The following POM121L2 variants were observed in gnomAD, a reference collection of about 807,000 sequenced individuals.
The protein encoded by POM121L2 is POM121-like protein 2.
For missense variants in POM121L2, 1,167 were observed against 1,260.3 expected (o/e 0.93, Z 1.12); for synonymous variants, 459 against 483.8 (o/e 0.95, Z 0.67).
chr6:27,309,517 G>T lies in POM121L2; in HGVS notation c.2654C>A (p.Ala885Asp). The T allele has an allele frequency of 1.3e-6, 2 of 1,552,066 alleles. No individual in the cohort carries two copies. The highest frequency in any genetic ancestry group is 1.7e-6 in the Non-Finnish European group (2 of 1,147,084). ...TCCCCCAAAAGTGAAAGGTTGTGGAGCTCTGCTGCCAAACACTGAGCCAAA... is the reference window on the plus strand; with the variant it reads ...TCCCCCAAAAGTGAAAGGTTGTGGATCTCTGCTGCCAAACACTGAGCCAAA... ...GAFGSVFGSRAPQPFTFGGFV... is the reference protein window; with the variant it reads ...GAFGSVFGSRDPQPFTFGGFV... Residue 885 changes from alanine to aspartate, a missense_variant, in exon 1 of 1, where the codon GCT (alanine) becomes GAT (aspartate). Transcript: ENST00000444565.
At position 27,310,338 on chromosome 6, in the gene POM121L2, A is replaced by G. The variant is rs1760727364; in HGVS notation, c.1833T>C (p.His611=). The G allele has an allele frequency of 1.2e-5, 18 of 1,552,244 alleles. No homozygotes were observed. Among genetic ancestry groups the G allele is most frequent in the Non-Finnish European group, 1.5e-5 (17 of 1,147,112 alleles). The change falls in exon 1 of 1, where the codon CAT becomes CAC. Residue 611 remains histidine, a synonymous_variant. Transcript: ENST00000444565. Reference sequence around the variant, plus strand: ...TGGCCTTGACCAGGCCATGGAAATGATGGGTAGAAGCATGAGTAAATGGAG... The same window carrying G: ...TGGCCTTGACCAGGCCATGGAAATGGTGGGTAGAAGCATGAGTAAATGGAG... ...TPPPFTHAST[H]HFHGLVKATS...
rs1380955432 is a variant in POM121L2, at chr6:27,310,041, T to C, written c.2130A>G (p.Val710=). 1 of 1,552,218 alleles carries C rather than the reference T, an allele frequency of 6.4e-7. No homozygotes were observed. The highest frequency in any genetic ancestry group is 2.0e-5 in the Admixed American group (1 of 51,006). Residue 710 remains valine (V), a synonymous_variant, in exon 1 of 1, where the codon GTA becomes GTG. Transcript: ENST00000444565. ...TMFTQVLSSV[V]QISPRSSTAN... is the part of the protein sequence containing the mutation. ...CAGTGCTGCTTCTAGGGGATATCTG[T>C]ACAACACTGGAAAGGACCTGGGTAA...
At chr6:27,310,081 TGCACA>T (rs1430434901) in intron 1 of POM121L2, 11 of 1,552,080 alleles carry the variant, frequency 7.1e-6, no homozygotes, top group Non-Finnish European at 9.6e-6. Flanking sequence ...GGTGACTGTA[TGCACA>T]GTAGGAATTG....
chr6:27,312,253 C>A lies in POM121L2; in HGVS notation c.-83G>T. 1 of 861,378 alleles carries A rather than the reference C, an allele frequency of 1.2e-6. No individual in the cohort carries two copies. Among genetic ancestry groups the A allele is most frequent in the South Asian group, 2.2e-5 (1 of 45,956 alleles). The allele number at this position is 861,378 out of a possible 1,614,324, so 53.4% of individuals were successfully genotyped here. On this transcript the variant is annotated 5_prime_UTR_variant, in exon 1 of 1. Transcript: ENST00000444565. This position sits in a 1 kb window ranked among gnomAD's most constrained non-coding sequence, Gnocchi z 6.7. The stretch of plus-strand genomic sequence containing the variant: ...GGACGTCTGCAGAATCGGACAGAGT[C>A]GAAGAGCGCAGTGTTCGGTTGACGG...
Position 27,310,656 on chromosome 6 carries a change from T to C in POM121L2, c.1515A>G (p.Gln505=). Residue 505 remains glutamine, a synonymous_variant, in exon 1 of 1, where the codon CAA becomes CAG. Coordinates refer to ENST00000444565, the MANE Select transcript of POM121L2 (RefSeq NM_033482.4). ...TACTCACCATTCCAAGCAAAGTACT[T>C]TGGATGGTGGGTGGTGCAGGTGGGT... The part of the protein sequence containing the change: ...PPDPPAPPTI[Q]STLLGMVSSP... 1 of 1,551,532 alleles carries C rather than the reference T, an allele frequency of 6.4e-7. No homozygotes were observed. The highest frequency in any genetic ancestry group is 8.7e-7 in the Non-Finnish European group (1 of 1,146,978).
At position 27,309,743 on chromosome 6, in the gene POM121L2, T is replaced by C. The variant is rs1760718256; in HGVS notation, c.2428A>G (p.Thr810Ala). 6.4e-6 allele frequency: 10 copies of C among 1,551,566 alleles called. No individual in the cohort carries two copies. Among genetic ancestry groups the C allele is most frequent in the Non-Finnish European group, 8.7e-6 (10 of 1,146,948 alleles). ...LFGSSAVALP[T>A]PMPTPAQPAF... is the part of the protein sequence containing the mutation. ...GGCTGAGCTGGAGTTGGCATGGGGG[T>C]TGGCAATGCCACTGCTGAGCTCCCA... is the stretch of plus-strand genomic sequence containing the variant. Residue 810 changes from threonine to alanine, a missense_variant, in exon 1 of 1, where the codon ACC becomes GCC. Physicochemically the swap from Thr to Ala is moderately conservative, Grantham distance 58. Transcript: ENST00000444565.
rs1463735661 is a variant in POM121L2, at chr6:27,311,914, T to A, written c.257A>T (p.Asn86Ile). The A allele has an allele frequency of 6.4e-7, 1 of 1,551,688 alleles. No homozygotes were observed. The highest frequency in any genetic ancestry group is 2.0e-5 in the Admixed American group (1 of 51,002). Residue 86 changes from asparagine (N) to isoleucine (I), a missense_variant, in exon 1 of 1, where the codon AAT (asparagine) becomes ATT (isoleucine). By Grantham distance (149) the Asn-to-Ile change is moderately radical. Transcript: ENST00000444565. ...WRRFPMKKSQ[N>I]SPLGPLPSDW... Reference sequence around the variant, plus strand: ...TGAAGGGAGAGGCCCCAGGGGGGAATTCTGGGACTTCTTCATGGGAAAGCG... The same window carrying A: ...TGAAGGGAGAGGCCCCAGGGGGGAAATCTGGGACTTCTTCATGGGAAAGCG...
rs1317796437 is a variant in POM121L2, at chr6:27,312,140, A to G, written c.31T>C (p.Ser11Pro). The G allele has an allele frequency of 1.4e-6, 2 of 1,454,274 alleles. No homozygotes were observed. Among genetic ancestry groups the G allele is most frequent in the Non-Finnish European group, 1.8e-6 (2 of 1,101,852 alleles). 90.1% of individuals were successfully genotyped at this position (1,454,274 alleles called of 1,614,324 possible). Residue 11 changes from serine to proline, a missense_variant, in exon 1 of 1, where the codon TCG (serine) becomes CCG (proline). By Grantham distance (74) the Ser-to-Pro change is moderately conservative (BLOSUM62 -1). Transcript: ENST00000444565. This position sits in a 1 kb window ranked among gnomAD's most constrained non-coding sequence, Gnocchi z 6.7. MGSFLSKLEL[S>P]PSSPAQVRTD... ...CGCACCTGGGCTGGGGACGAGGGCG[A>G]AAGTTCCAGTTTGCTCAGGAAACTG...
Position 27,309,084 on chromosome 6 carries a change from C to T in POM121L2, c.3087G>A (p.Arg1029=), listed in dbSNP as rs781232579. ...PKNREKGHSR[R]HHAYKK ...CAGGCTACTTCTTGTAGGCATGATG[C>T]CTTCGGGAATGCCCTTTCTCCCGAT... The change falls in exon 1 of 1, where the codon AGG becomes AGA. Residue 1029 remains arginine, a synonymous_variant. Transcript: ENST00000444565. 3 of 1,551,160 alleles carry T rather than the reference C, an allele frequency of 1.9e-6. No homozygotes were observed. Among genetic ancestry groups the T allele is most frequent in the Non-Finnish European group, 2.6e-6 (3 of 1,146,546 alleles).
rs1015835280 is a variant in POM121L2 at position 27,312,180 on chromosome 6, T to G, written c.-10A>C. 5 of 1,430,566 alleles carry G rather than the reference T, an allele frequency of 3.5e-6. No individual in the cohort carries two copies. Among genetic ancestry groups the G allele is most frequent in the African/African-American group, 1.4e-5 (1 of 69,576 alleles). The allele number at this position is 1,430,566 out of a possible 1,614,324, so 88.6% of individuals were successfully genotyped here. The stretch of plus-strand genomic sequence containing the variant: ...TCAGGAAACTGCCCATGAGGAGAGA[T>G]GAGGCGCGGGCAGTGAGTTCAAGCA... On this transcript the variant is annotated 5_prime_UTR_variant, in exon 1 of 1. Transcript: ENST00000444565. This position sits in a 1 kb window ranked among gnomAD's most constrained non-coding sequence, Gnocchi z 6.7.
In POM121L2 at chr6:27,310,369, G is replaced by A. The variant is rs1441357700; in HGVS notation, c.1802C>T (p.Thr601Ile). The A allele has an allele frequency of 1.3e-6, 2 of 1,552,170 alleles. No homozygotes were observed. Among genetic ancestry groups the A allele is most frequent in the Non-Finnish European group, 1.7e-6 (2 of 1,147,082 alleles). Residue 601 changes from threonine to isoleucine, a missense_variant, in exon 1 of 1, where the codon ACC becomes ATC. Transcript: ENST00000444565. ...AGAAGCATGAGTAAATGGAGGAGGG[G>A]TCTGCTTGGAGGAGAAAGGAGCTAT... ...PMIAPFSSKQ[T>I]PPPFTHASTH...
Position 27,312,232 on chromosome 6 carries a change from G to C in POM121L2, c.-62C>G, listed in dbSNP as rs562036535. 4.6e-5 allele frequency: 49 copies of C among 1,054,972 alleles called. No homozygotes were observed. Among genetic ancestry groups the C allele is most frequent in the South Asian group, 3.1e-4 (17 of 55,334 alleles). 65.4% of individuals were successfully genotyped at this position (1,054,972 alleles called of 1,614,324 possible). The stretch of plus-strand genomic sequence containing the variant: ...GGTTTTGGCTTCCGAGGTTTCGGAC[G>C]TCTGCAGAATCGGACAGAGTCGAAG... On this transcript the variant is annotated 5_prime_UTR_variant, in exon 1 of 1. Coordinates refer to ENST00000444565, the MANE Select transcript of POM121L2 (RefSeq NM_033482.4). The surrounding 1 kb of genome is among the most constrained non-coding windows in gnomAD (Gnocchi z 6.7).
rs1320675165 is a variant in POM121L2 at position 27,309,581 on chromosome 6, C to A, written c.2590G>T (p.Gly864Trp). 4 of 1,551,944 alleles carry A rather than the reference C, an allele frequency of 2.6e-6. No individual in the cohort carries two copies. The highest frequency in any genetic ancestry group is 3.5e-6 in the Non-Finnish European group (4 of 1,147,070). ...TGGGTCTGAATTACAATTCTAAACC[C>A]AGTTGTACTAGCTTGACTAATGGGA... is the stretch of plus-strand genomic sequence containing the variant. ...GFPISQASTT[G>W]FRIVIQTHQS... Residue 864 changes from glycine (G) to tryptophan (W), a missense_variant, in exon 1 of 1, where the codon GGG becomes TGG. Coordinates refer to ENST00000444565, the MANE Select transcript of POM121L2 (RefSeq NM_033482.4).
At position 27,308,451 on chromosome 6, in the gene POM121L2, TG is replaced by T. The variant is rs1256039964; in HGVS notation, c.*611del. ...AAATAAATGTTCTTCAACAGGTGAA[TG>T]GATAAATGAACTGTGGTATACTCAT... is the stretch of plus-strand genomic sequence containing the variant. On this transcript the variant is annotated 3_prime_UTR_variant, in exon 1 of 1. Transcript: ENST00000444565. Among the ~76,000 whole-genome samples the T allele has an allele frequency of 1.3e-5, 2 of 152,168 alleles. No individual in the cohort carries two copies. The highest frequency in any genetic ancestry group is 4.8e-5 in the African/African-American group (2 of 41,438).
Position 27,311,458 on chromosome 6 carries a change from C to T in POM121L2, c.713G>A (p.Ser238Asn), listed in dbSNP as rs2113598333. Residue 238 changes from serine (S) to asparagine (N), a missense_variant, in exon 1 of 1, where the codon AGC (serine) becomes AAC (asparagine). Ser to Asn is a conservative substitution (Grantham distance 46). Coordinates refer to ENST00000444565, the MANE Select transcript of POM121L2 (RefSeq NM_033482.4). ...ACCTCTGTATATGCTGGCCAAGGAG[C>T]TCATGGAGGAGCAATTGGGCCTCTT... Reference protein sequence around the residue: ...LTKRPNCSSMSSLASIYRGGT... With the variant: ...LTKRPNCSSMNSLASIYRGGT... The T allele has an allele frequency of 1.3e-6, 2 of 1,551,830 alleles. No homozygotes were observed. Among genetic ancestry groups the T allele is most frequent in the African/African-American group, 2.7e-5 (2 of 73,170 alleles).
Position 27,309,560 on chromosome 6 carries a change from T to G in POM121L2, c.2611A>C (p.Thr871Pro), listed in dbSNP as rs1357318808. 1 of 1,551,984 alleles carries G rather than the reference T, an allele frequency of 6.4e-7. No individual in the cohort carries two copies. The highest frequency in any genetic ancestry group is 8.7e-7 in the Non-Finnish European group (1 of 1,147,056). Residue 871 changes from threonine (T) to proline (P), a missense_variant, in exon 1 of 1, where the codon ACC becomes CCC. Thr to Pro is a conservative substitution (Grantham distance 38). Transcript: ENST00000444565. ...GAGCCAAAAGCCCCACTTTGGTGGG[T>G]CTGAATTACAATTCTAAACCCAGTT... Reference protein sequence around the residue: ...STTGFRIVIQTHQSGAFGSVF... With the variant: ...STTGFRIVIQPHQSGAFGSVF...
Position 27,310,152 on chromosome 6 carries a change from G to C in POM121L2, c.2019C>G (p.Phe673Leu). Reference protein sequence around the residue: ...DTFLLGTAQAFRADFTPATGF... With the variant: ...DTFLLGTAQALRADFTPATGF... ...CTGTGGCTGGGGTGAAGTCGGCCCTGAAGGCCTGAGCAGTCCCAAGCAGGA... is the reference window on the plus strand; with the variant it reads ...CTGTGGCTGGGGTGAAGTCGGCCCTCAAGGCCTGAGCAGTCCCAAGCAGGA... The change falls in exon 1 of 1, where the codon TTC (phenylalanine) becomes TTG (leucine). Residue 673 changes from phenylalanine to leucine, a missense_variant. Transcript: ENST00000444565. The C allele has an allele frequency of 6.4e-7, 1 of 1,551,942 alleles. No individual in the cohort carries two copies. Among genetic ancestry groups the C allele is most frequent in the South Asian group, 1.2e-5 (1 of 84,066 alleles).
In POM121L2 at chr6:27,310,885, C is replaced by G. The variant is rs1187333368; in HGVS notation, c.1286G>C (p.Ser429Thr). ...ASPQSTGEAT[S>T]VAHSPLKTPS... ...TGTCTTCAAAGGAGAATGGGCCACA[C>G]TGGTTGCCTCTCCCGTGGACTGTGG... The change falls in exon 1 of 1, where the codon AGT becomes ACT. Residue 429 changes from serine (S) to threonine (T), a missense_variant. Transcript: ENST00000444565. The G allele has an allele frequency of 5.2e-6, 8 of 1,551,804 alleles. No individual in the cohort carries two copies. The highest frequency in any genetic ancestry group is 7.0e-6 in the Non-Finnish European group (8 of 1,147,002).
chr6:27,309,951 T>C lies in POM121L2; in HGVS notation c.2220A>G (p.Ala740=). ...ASALVSTNWL[A]STPSISNLTP... is the part of the protein sequence containing the mutation. The stretch of plus-strand genomic sequence containing the variant: ...TCAGGTTGGAGATGCTGGGGGTTGA[T>C]GCAAGCCAGTTTGTGGATACTAGGG... The change falls in exon 1 of 1, where the codon GCA becomes GCG. Residue 740 remains alanine, a synonymous_variant. Coordinates refer to ENST00000444565, the MANE Select transcript of POM121L2 (RefSeq NM_033482.4). 2 of 1,551,802 alleles carry C rather than the reference T, an allele frequency of 1.3e-6. No homozygotes were observed. Among genetic ancestry groups the C allele is most frequent in the Non-Finnish European group, 1.7e-6 (2 of 1,147,010 alleles).
Sources: gnomAD v4.1 joint callset for allele counts (sites outside exome capture counted in the v4.1 genomes callset) on GRCh38, gnomAD v4.1.1 for gene constraint, Gnocchi (gnomAD v3.1) non-coding constraint, MANE v1.5 for transcripts, NCBI Gene and HGNC (gene_info 2026-07-23, HGNC 2026-07-21) for gene names.